Variants in NOMO2 observed in about 807,000 individuals in gnomAD.
NOMO2 encodes the protein NODAL modulator 2, also known as BOS complex subunit NOMO2.
A neutral mutation model predicts 67.1 loss-of-function variants in NOMO2; 14 were observed. The observed-to-expected ratio is 0.21, with a 90% CI of 0.14 to 0.33. NOMO2 has a LOEUF of 0.33. Ranked by LOEUF, NOMO2 falls within the 10% of genes least tolerant of loss-of-function variation. The pLI is 1.00. For synonymous variants in NOMO2, 80 were observed against 305.9 expected (o/e 0.26, Z 7.71); for missense variants, 178 against 761.0 (o/e 0.23, Z 9.01).
chr16:18,548,221 A>C (rs1011227191), intron 5 of NOMO2, among the ~76,000 whole-genome samples: 3 of 148,386 alleles, frequency 2.0e-5, no homozygotes, highest in Non-Finnish European at 4.5e-5. Flanking sequence ...GATGAAAGGT[A>C]TTCAGAAGGC....
Position 18,561,935 on chromosome 16 carries a change from C to A in NOMO2, c.106G>T (p.Val36Leu). The change falls in exon 1 of 31, where the codon GTG becomes TTG. Residue 36 changes from valine (V) to leucine (L), a missense_variant. Transcript: ENST00000622306. The part of the protein sequence containing the change: ...VGPAHGSEDI[V>L]VGCGGFVKSD... ...TTGACGAAGCCACCGCAGCCCACCA[C>A]GATGTCCTCCGAGCCGTGCGCCGGC... 3 of 1,579,238 alleles carry A rather than the reference C, an allele frequency of 1.9e-6. No homozygotes were observed. Among genetic ancestry groups the A allele is most frequent in the Non-Finnish European group, 1.7e-6 (2 of 1,164,570 alleles).
chr16:18,532,811 AAGAG>A (rs1160250827), intron 12 of NOMO2, among the ~76,000 whole-genome samples, 190 bp downstream of exon 12: 1 of 126,556 alleles, frequency 7.9e-6, no homozygotes, highest in African/African-American at 2.9e-5. Flanking sequence ...GACTGGAAAA[AAGAG>A]AGGCAGATGG....
At chr16:18,552,672 T>TA (rs913208897) in intron 3 of NOMO2, among the ~76,000 whole-genome samples, 15 of 151,156 alleles carry the variant, frequency 9.9e-5, no homozygotes, top group African/African-American at 3.2e-4. Flanking sequence ...GGGCTAAAAT[T>TA]AAAAAAAACT....
intron 12 of NOMO2, 110 bp from the exon 13 acceptor site, chr16:18,531,717 G>C: frequency 6.4e-7 from 1 of 1,554,360 alleles, no homozygotes; most frequent in East Asian, 2.3e-5. Flanking sequence ...GATTTTGAAG[G>C]CCAAAGGTTC....
chr16:18,528,474 A>G (rs1041064690), intron 15 of NOMO2, among the ~76,000 whole-genome samples: 5 of 151,942 alleles, frequency 3.3e-5, no homozygotes, highest in African/African-American at 9.7e-5. Context: ...TAGTTTCTCT[A>G]CAGAGAAACT....
intron 2 of NOMO2, among the ~76,000 whole-genome samples, chr16:18,555,260 T>C (rs995729806): frequency 2.6e-5 from 4 of 151,858 alleles, no homozygotes; most frequent in Admixed American, 6.6e-5. Flanking sequence ...CCAGGCACAG[T>C]ACCTCACACC....
Position 18,559,970 on chromosome 16 carries a change from TG to T in NOMO2, c.165+1905del, listed in dbSNP as rs1238566921. Reference sequence around the variant, plus strand: ...GTTCACTGTACTGCTATATCCACACTGGGGACAAGGCTTCAGTATGTGCCGG... The same window carrying T: ...GTTCACTGTACTGCTATATCCACACTGGGACAAGGCTTCAGTATGTGCCGG... On this transcript the variant is annotated intron_variant, in intron 1 of 30. Transcript: ENST00000622306. 2.6e-5 allele frequency among the ~76,000 whole-genome samples: 4 copies of T among 151,772 alleles called. 1 individual carries two copies. The East Asian group carries it at 7.8e-4, about 30-fold the overall frequency.
chr16:18,535,323 A>T (rs983717787), intron 11 of NOMO2, among the ~76,000 whole-genome samples: 3 of 152,002 alleles, frequency 2.0e-5, no homozygotes, highest in African/African-American at 4.8e-5. Context: ...TCTCAAAAAA[A>T]AATAAAAAGG....
Position 18,533,108 on chromosome 16 carries a change from A to G in NOMO2, c.1292T>C (p.Val431Ala), listed in dbSNP as rs754143410. The G allele has an allele frequency of 1.9e-6, 3 of 1,611,256 alleles. No individual in the cohort carries two copies. Among genetic ancestry groups the G allele is most frequent in the East Asian group, 2.2e-5 (1 of 44,796 alleles). The change falls in exon 12 of 31, where the codon GTT becomes GCT. Residue 431 changes from valine (V) to alanine (A), a missense_variant. Physicochemically the swap from Val to Ala is moderately conservative, Grantham distance 64 (BLOSUM62 0). Coordinates refer to ENST00000622306, the MANE Select transcript of NOMO2 (RefSeq NM_173614.4). Reference protein sequence around the residue: ...DTVKQMNKYKVVLSSQDKDKS... With the variant: ...DTVKQMNKYKAVLSSQDKDKS... ...GTCCTTGTCTTGAGATGACAGGACA[A>G]CTTTGTATTTATTCATCTGCTTGAC...
chr16:18,555,408 G>A (rs957886039), intron 2 of NOMO2, among the ~76,000 whole-genome samples: 6 of 145,946 alleles, frequency 4.1e-5, no homozygotes, highest in South Asian at 2.3e-4. Context: ...GGTGGCAGGC[G>A]CCTACAGTCT....
At chr16:18,534,142 A>T (rs1901367998) in intron 11 of NOMO2, among the ~76,000 whole-genome samples, 1 of 151,988 alleles carries the variant, frequency 6.6e-6, no homozygotes, top group African/African-American at 2.4e-5. Context: ...AACACAAGGA[A>T]ATGGTGGAAG....
chr16:18,552,773 T>C (rs538442166), intron 3 of NOMO2, among the ~76,000 whole-genome samples: 59 of 152,108 alleles, frequency 3.9e-4, no homozygotes, highest in Admixed American at 9.2e-4. Flanking sequence ...CTTTGGATGT[T>C]TGCAAACACC....
At position 18,541,829 on chromosome 16, in the gene NOMO2, G is replaced by A. The variant is rs541696136; in HGVS notation, c.963+343C>T. On this transcript the variant is annotated intron_variant, in intron 9 of 30. Coordinates refer to ENST00000622306, the MANE Select transcript of NOMO2 (RefSeq NM_173614.4). ...TGCACTCCAGCTTGAGCCACACAGT[G>A]AGACCCTATCTTAAAAAAAAAAAAA... is the stretch of plus-strand genomic sequence containing the variant. 4.3e-5 allele frequency among the ~76,000 whole-genome samples: 6 copies of A among 139,316 alleles called. No homozygotes were observed. The East Asian group carries it at 1.3e-3, about 29-fold the overall frequency. The allele number at this position is 139,316 out of a possible 152,430, so 91.4% of individuals were successfully genotyped here. A position where few individuals can be genotyped will look rare whatever the true frequency, so the allele number is the denominator to read the frequency against.
At chr16:18,559,996 G>T (rs942267749) in intron 1 of NOMO2, among the ~76,000 whole-genome samples, 17 of 151,836 alleles carry the variant, frequency 1.1e-4, no homozygotes, top group African/African-American at 3.9e-4. Context: ...GTATGTGCCG[G>T]GGCTCAGTAA....
At chr16:18,547,948 T>C (rs1049156397) in intron 5 of NOMO2, among the ~76,000 whole-genome samples, 1 of 144,598 alleles carries the variant, frequency 6.9e-6, no homozygotes, top group Non-Finnish European at 1.5e-5. Context: ...GAGCTAAAGC[T>C]GGAAATGCTG....
intron 15 of NOMO2, among the ~76,000 whole-genome samples, chr16:18,529,180 A>C (rs1241198087): frequency 2.0e-5 from 3 of 149,444 alleles, no homozygotes; most frequent in African/African-American, 7.3e-5. Context: ...GAGGCTGAGA[A>C]GCAGTAAATG....
intron 6 of NOMO2, among the ~76,000 whole-genome samples, chr16:18,545,438 C>A (rs1277259662): frequency 3.3e-5 from 5 of 151,840 alleles, no homozygotes; most frequent in Non-Finnish European, 1.5e-5. Flanking sequence ...AAGAGAAAAA[C>A]CCCCAAAACC....
At chr16:18,559,127 T>C (rs545908437) in intron 1 of NOMO2, among the ~76,000 whole-genome samples, 1 of 151,962 alleles carries the variant, frequency 6.6e-6, no homozygotes, top group East Asian at 1.9e-4. Flanking sequence ...GGTGCCACTA[T>C]ACTCCAGCCT....
intron 1 of NOMO2, 131 bp downstream of exon 1, chr16:18,561,745 C>T (rs1902055674): frequency 2.8e-6 from 3 of 1,066,888 alleles, no homozygotes. Flanking sequence ...CCGCGGACAG[C>T]ATAGCCTCGG....
Sources: gnomAD v4.1 joint callset for allele counts (sites outside exome capture counted in the v4.1 genomes callset) on GRCh38, gnomAD v4.1.1 for gene constraint, MANE v1.5 for transcripts, NCBI Gene and HGNC (gene_info 2026-07-23, HGNC 2026-07-21) for gene names.